RRAGB: variants seen among roughly 807,000 people sequenced by gnomAD.
RRAGB encodes the protein ras-related GTP-binding protein B.
Under a neutral mutation model 29.3 loss-of-function variants are expected in RRAGB, and 6 were observed. That is an observed-to-expected ratio of 0.21 (90% CI 0.11 to 0.40). The LOEUF (loss-of-function observed/expected upper bound fraction) is 0.40, where lower values mean the gene tolerates loss of function less well. Among genes scored for constraint, RRAGB ranks in the 10% least tolerant of loss-of-function variants. RRAGB has a pLI of 1.00. For missense variants in RRAGB, 184 were observed against 272.9 expected (o/e 0.67, Z 2.29); for synonymous variants, 101 against 92.5 (o/e 1.09, Z -0.53).
chrX:55,725,387 T>A (rs1019054481), intron 3 of RRAGB, among the ~76,000 whole-genome samples: 1 of 112,006 alleles, frequency 8.9e-6, no homozygotes, highest in Non-Finnish European at 1.9e-5. Context: ...TAGTTTGTCA[T>A]TGCTAAAGAA....
chrX:55,756,020 C>T (rs2034648915), intron 8 of RRAGB, 88 bp downstream of exon 8: 1 of 607,545 alleles, frequency 1.6e-6, no homozygotes, highest in Non-Finnish European at 2.6e-6. Flanking sequence ...GTTAACTGTA[C>T]TTCTATATTC....
chrX:55,748,122 G>C (rs1012100671), intron 5 of RRAGB, among the ~76,000 whole-genome samples: 1 of 112,736 alleles, frequency 8.9e-6, no homozygotes, highest in African/African-American at 3.2e-5. Flanking sequence ...CGCCAGCCTC[G>C]GCCTCCGGAG....
chrX:55,757,398 G>T (rs936240793), intron 9 of RRAGB, 67 bp downstream of exon 9: 4 of 588,369 alleles, frequency 6.8e-6, no homozygotes, highest in Non-Finnish European at 1.1e-5. Flanking sequence ...CCCAGAGGTA[G>T]TACTTTATTA....
chrX:55,720,617 C>T (rs1473741789), intron 2 of RRAGB, among the ~76,000 whole-genome samples: 1 of 109,318 alleles, frequency 9.1e-6, no homozygotes, highest in Non-Finnish European at 1.9e-5. Context: ...GAGGCAGGTG[C>T]ATCACTTGAG....
chrX:55,753,815 C>T (rs761809066), intron 7 of RRAGB, among the ~76,000 whole-genome samples: 2 of 112,027 alleles, frequency 1.8e-5, no homozygotes, highest in Middle Eastern at 4.6e-3. Context: ...GAGGCCGAGG[C>T]GGGTGGATCA....
chrX:55,731,865 C>A (rs1466678617), intron 5 of RRAGB, among the ~76,000 whole-genome samples: 1 of 111,792 alleles, frequency 8.9e-6, no homozygotes, highest in Non-Finnish European at 1.9e-5. Flanking sequence ...TTTGCTGCCC[C>A]AGTTTTATTG....
At chrX:55,721,317 C>T (rs2033270539) in intron 2 of RRAGB, among the ~76,000 whole-genome samples, 1 of 111,918 alleles carries the variant, frequency 8.9e-6, no homozygotes, top group South Asian at 3.7e-4. Flanking sequence ...AATAACAGTG[C>T]CATGGGAGGA....
Position 55,758,347 on chromosome X carries a change from T to C in RRAGB, c.*4T>C, listed in dbSNP as rs767497825. ...GCAGTGTCTTCTCATGCGCTAAACA[T>C]TGATGAATATTGTTTCACACAAAAA... On this transcript the variant is annotated 3_prime_UTR_variant, in exon 10 of 10. Coordinates refer to ENST00000374941, the MANE Select transcript of RRAGB (RefSeq NM_006064.5). 3.5e-6 allele frequency: 4 copies of C among 1,128,332 alleles called. No individual in the cohort carries two copies. In the South Asian group the frequency reaches 5.8e-5, roughly 16 times the overall value. 93.0% of individuals were successfully genotyped at this position (1,128,332 alleles called of 1,213,427 possible).
intron 5 of RRAGB, among the ~76,000 whole-genome samples, chrX:55,750,761 G>A (rs1300768573): frequency 9.0e-6 from 1 of 111,603 alleles, no homozygotes; most frequent in African/African-American, 3.3e-5. Flanking sequence ...ATATATTCTT[G>A]GTATGTGTAT....
At chrX:55,745,656 G>A (rs1485696096) in intron 5 of RRAGB, among the ~76,000 whole-genome samples, 1 of 112,094 alleles carries the variant, frequency 8.9e-6, no homozygotes, top group Non-Finnish European at 1.9e-5. Context: ...AATCCTTCCA[G>A]GAATATGCAA....
chrX:55,734,453 G>A (rs1352367946), intron 5 of RRAGB, among the ~76,000 whole-genome samples: 1 of 110,941 alleles, frequency 9.0e-6, no homozygotes, highest in African/African-American at 3.3e-5. Flanking sequence ...TTGTATTTCT[G>A]TGTTTATCAG....
At chrX:55,740,744 T>C (rs1445389053) in intron 5 of RRAGB, among the ~76,000 whole-genome samples, 1 of 111,694 alleles carries the variant, frequency 9.0e-6, no homozygotes, top group Non-Finnish European at 1.9e-5. Flanking sequence ...CAGTTTTTGG[T>C]GCGTCTCGTT....
chrX:55,758,186 C>T, intron 9 of RRAGB, 60 bp from the exon 10 acceptor site: 1 of 781,163 alleles, frequency 1.3e-6, no homozygotes, highest in South Asian at 2.5e-5. Flanking sequence ...TTTTACTAGT[C>T]AGACATTCCT....
At chrX:55,724,143 A>C (rs909347548) in intron 3 of RRAGB, among the ~76,000 whole-genome samples, 4 of 111,972 alleles carry the variant, frequency 3.6e-5, no homozygotes, top group African/African-American at 1.3e-4. Context: ...TCTTTCAAAT[A>C]GTTCAAATTC....
At chrX:55,742,214 T>C (rs1885022914) in intron 5 of RRAGB, among the ~76,000 whole-genome samples, 1 of 112,725 alleles carries the variant, frequency 8.9e-6, no homozygotes, top group South Asian at 3.6e-4. Context: ...CAAGATGAAG[T>C]ACTCATGACA....
chrX:55,748,557 G>C (rs901731847), intron 5 of RRAGB, among the ~76,000 whole-genome samples: 2 of 111,478 alleles, frequency 1.8e-5, no homozygotes, highest in East Asian at 5.7e-4. Flanking sequence ...CTGCTGGGCC[G>C]TGACCCCGTC....
chrX:55,722,419 A>T, intron 3 of RRAGB, 134 bp downstream of exon 3: 1 of 390,244 alleles, frequency 2.6e-6, no homozygotes, highest in South Asian at 6.3e-5. Context: ...CCCTTTTTGC[A>T]TTCGTTTTCA....
At chrX:55,727,540 C>T (rs965609405) in intron 3 of RRAGB, 56 of 370,046 alleles carry the variant, frequency 1.5e-4, no homozygotes, top group Non-Finnish European at 2.1e-4. Context: ...CCCGCCCCCC[C>T]GCTTTCTTTT....
Position 55,757,341 on chromosome X carries a change from A to G in RRAGB, c.943+10A>G. 2 of 1,041,777 alleles carry G rather than the reference A, an allele frequency of 1.9e-6. No individual in the cohort carries two copies. Among genetic ancestry groups the G allele is most frequent in the Non-Finnish European group, 2.7e-6 (2 of 751,013 alleles). The allele number at this position is 1,041,777 out of a possible 1,213,427, so 85.9% of individuals were successfully genotyped here. On this transcript the variant is annotated intron_variant, in intron 9 of 9. Transcript: ENST00000374941. The stretch of plus-strand genomic sequence containing the variant: ...TCTGATCCGTCCATTCGTAAGTTTA[A>G]ACTTAGCTGACCTAGGTTCAAAGCC...
Sources: allele counts gnomAD v4.1 joint callset (sites outside exome capture counted in the v4.1 genomes callset), GRCh38; gene constraint gnomAD v4.1.1; transcripts MANE v1.5; gene names NCBI Gene and HGNC (gene_info 2026-07-23, HGNC 2026-07-21).